Variants in ZNF718 observed in about 807,000 individuals in gnomAD.
The protein encoded by ZNF718 is zinc finger protein 718.
A neutral mutation model predicts 2.6 loss-of-function variants in ZNF718; 3 were observed. That is an observed-to-expected ratio of 1.16 (90% CI 0.53 to 3.01). The LOEUF is 3.01. ZNF718 is among the 30% of genes most tolerant of loss of function. The probability of loss-of-function intolerance (pLI) is 0.03; values close to 1 mark genes in which losing one functional copy is unlikely to be tolerated. For missense variants in ZNF718, 468 were observed against 230.0 expected, an observed-to-expected ratio of 2.03 and a Z score of -6.69; for synonymous variants, 135 against 77.9, an observed-to-expected ratio of 1.73 and a Z score of -3.86.
intron 3 of ZNF718, among the ~76,000 whole-genome samples, chr4:141,030 A>G (rs1332768578): frequency 2.0e-5 from 3 of 152,258 alleles, no homozygotes; most frequent in Non-Finnish European, 4.4e-5. Flanking sequence ...GCCTTCTTCC[A>G]TTCTATCCGA....
chr4:181,158 CTTTTTTT>C (rs782164295), intron 3 of ZNF718, among the ~76,000 whole-genome samples: 9 of 51,086 alleles, frequency 1.8e-4, no homozygotes, highest in Admixed American at 2.6e-4. Flanking sequence ...CAGTGCCCAG[CTTTTTTT>C]TTTTTTTTTT....
intron 3 of ZNF718, among the ~76,000 whole-genome samples, chr4:183,405 C>T (rs1019315872): frequency 1.3e-5 from 2 of 152,106 alleles, no homozygotes; most frequent in Admixed American, 6.5e-5. Context: ...TTCTGTAGCC[C>T]TGGAGTATAG....
chr4:179,596 A>C (rs1325709323), intron 3 of ZNF718, among the ~76,000 whole-genome samples: 1 of 152,184 alleles, frequency 6.6e-6, no homozygotes, highest in African/African-American at 2.4e-5. Flanking sequence ...AAAGAGTACA[A>C]AGTGTTTCTA....
At chr4:153,404 G>C (rs1553813007) in intron 3 of ZNF718, among the ~76,000 whole-genome samples, 1 of 151,962 alleles carries the variant, frequency 6.6e-6, no homozygotes, top group Non-Finnish European at 1.5e-5. Context: ...GGGGGTCTTT[G>C]GTAGTTCCCT....
intron 3 of ZNF718, among the ~76,000 whole-genome samples, chr4:174,916 G>A (rs1382758747): frequency 6.6e-6 from 1 of 152,188 alleles, no homozygotes; most frequent in Non-Finnish European, 1.5e-5. Context: ...TTCTGGGAAT[G>A]TAGAAAGAAC....
intron 3 of ZNF718, among the ~76,000 whole-genome samples, chr4:148,078 G>T (rs148382715): frequency 6.6e-6 from 1 of 152,270 alleles, no homozygotes; most frequent in African/African-American, 2.4e-5. Flanking sequence ...TAAGACTTCA[G>T]CTCTGTTTCT....
Position 124,502 on chromosome 4 carries a change from G to A in ZNF718, c.-169G>A. The A allele has an allele frequency of 2.2e-6, 2 of 901,346 alleles. No individual in the cohort carries two copies. The highest frequency in any genetic ancestry group is 2.6e-5 in the East Asian group (1 of 37,962). The allele number at this position is 901,346 out of a possible 1,614,324, so 55.8% of individuals were successfully genotyped here. A position where few individuals can be genotyped will look rare whatever the true frequency, so the allele number is the denominator to read the frequency against. On this transcript the variant is annotated 5_prime_UTR_variant, in exon 1 of 4. Coordinates refer to ENST00000510175, the MANE Select transcript of ZNF718 (RefSeq NM_001039127.6). ...GGTGCGGCATCCGGGATCTGGCGCG[G>A]CTTTTGCTTGTAGCTCCAGCCAGAG...
At position 162,081 on chromosome 4, in the gene ZNF718, C is replaced by T. The variant is rs1195048888; in HGVS notation, c.1396C>T (p.Leu466Phe). 1.3e-6 allele frequency: 1 copy of T among 769,874 alleles called. No homozygotes were observed. Among genetic ancestry groups the T allele is most frequent in the East Asian group, 2.4e-5 (1 of 41,104 alleles). The allele number at this position is 769,874 out of a possible 1,614,324, so 47.7% of individuals were successfully genotyped here. Residue 466 changes from leucine (L) to phenylalanine (F), a missense_variant, in exon 4 of 4, where the codon CTT (leucine) becomes TTT (phenylalanine). By Grantham distance (22) the Leu-to-Phe change is conservative. Transcript: ENST00000510175. The part of the protein sequence containing the change: ...CGKAFKQYSN[L>F]PQHKRTHTGG... ...GAAAGCTTTTAAGCAGTACTCCAAC[C>T]TTCCTCAACATAAGAGAACTCATAC...
At chr4:129,226 T>G (rs1362031162) in intron 1 of ZNF718, among the ~76,000 whole-genome samples, 1 of 105,388 alleles carries the variant, frequency 9.5e-6, no homozygotes, top group Non-Finnish European at 2.1e-5. Flanking sequence ...CTTGTTATTG[T>G]GTGTTATAAT....
chr4:155,624 C>CGCA (rs1716534652), intron 3 of ZNF718, among the ~76,000 whole-genome samples: 1 of 152,138 alleles, frequency 6.6e-6, no homozygotes, highest in Non-Finnish European at 1.5e-5. Context: ...AATGCCTGCA[C>CGCA]CCCCATTGTG....
At position 131,812 on chromosome 4, in the gene ZNF718, G is replaced by A. The variant is rs1177562546; in HGVS notation, c.226+307G>A. Among the ~76,000 whole-genome samples the A allele has an allele frequency of 4.1e-4, 40 of 97,454 alleles. 10 individuals are homozygous for A. Among genetic ancestry groups the A allele is most frequent in the African/African-American group, 1.4e-3 (38 of 27,756 alleles). The allele number at this position is 97,454 out of a possible 152,430, so 63.9% of individuals were successfully genotyped here. On this transcript the variant is annotated intron_variant, in intron 3 of 3. Transcript: ENST00000510175. ...TTGCTTAAAAACACAGGAGGCGGCCGAGGCGGGTGGATCATGAGGTCAGGA... is the reference window on the plus strand; with the variant it reads ...TTGCTTAAAAACACAGGAGGCGGCCAAGGCGGGTGGATCATGAGGTCAGGA...
chr4:162,987 A>C lies in ZNF718; in HGVS notation c.*865A>C, dbSNP rs1170849331. ...CTGTTAGATAATTTCTTTCTATATA[A>C]GTTGAAAAGGAGTAGCTTTTTGAAA... On this transcript the variant is annotated 3_prime_UTR_variant, in exon 4 of 4. Transcript: ENST00000510175. The C allele has an allele frequency of 6.6e-6, 1 of 152,202 alleles. No individual in the cohort carries two copies. Among genetic ancestry groups the C allele is most frequent in the African/African-American group, 2.4e-5 (1 of 41,456 alleles). The allele number at this position is 152,202 out of a possible 1,614,324, so 9.4% of individuals were successfully genotyped here.
chr4:200,952 G>C (rs574483043), intron 3 of ZNF718: 1 of 152,440 alleles, frequency 6.6e-6, no homozygotes, highest in Non-Finnish European at 1.5e-5. Context: ...TATAATTAAC[G>C]TTAAAAAAGA....
At chr4:137,454 T>G (rs1715620603) in intron 3 of ZNF718, among the ~76,000 whole-genome samples, 1 of 152,182 alleles carries the variant, frequency 6.6e-6, no homozygotes, top group Non-Finnish European at 1.5e-5. Flanking sequence ...AGGGGCTGCA[T>G]CACTTTCTTC....
chr4:194,863 G>C (rs1401674140), intron 3 of ZNF718, among the ~76,000 whole-genome samples: 1 of 152,194 alleles, frequency 6.6e-6, no homozygotes, highest in Non-Finnish European at 1.5e-5. Context: ...GCCATTTTCC[G>C]ATGAGCATTA....
In ZNF718 at chr4:161,832, A is replaced by G. The variant is rs1553815396; in HGVS notation, c.1147A>G (p.Asn383Asp). ...AGCCTTTAATTGGTCCTCAACCCTT[A>G]ATGTACACAAGAGAATTCACTCTGG... Reference protein sequence around the residue: ...GKAFNWSSTLNVHKRIHSGKN... With the variant: ...GKAFNWSSTLDVHKRIHSGKN... The change falls in exon 4 of 4, where the codon AAT (asparagine) becomes GAT (aspartate). Residue 383 changes from asparagine to aspartate, a missense_variant. Transcript: ENST00000510175. The G allele has an allele frequency of 1.3e-6, 1 of 780,888 alleles. No individual in the cohort carries two copies. Among genetic ancestry groups the G allele is most frequent in the Admixed American group, 1.7e-5 (1 of 59,014 alleles). 48.4% of individuals were successfully genotyped at this position (780,888 alleles called of 1,614,324 possible). A position where few individuals can be genotyped will look rare whatever the true frequency, so the allele number is the denominator to read the frequency against.
At chr4:181,158 CTTTTTTTTT>C (rs782164295) in intron 3 of ZNF718, among the ~76,000 whole-genome samples, 9 of 51,086 alleles carry the variant, frequency 1.8e-4, no homozygotes, top group Non-Finnish European at 3.0e-4. Context: ...CAGTGCCCAG[CTTTTTTTTT>C]TTTTTTTTTT....
At chr4:197,248 C>T (rs1717809679) in intron 3 of ZNF718, among the ~76,000 whole-genome samples, 1 of 152,032 alleles carries the variant, frequency 6.6e-6, no homozygotes, top group Admixed American at 6.5e-5. Flanking sequence ...GTTTACAAAA[C>T]ATTCCTATAT....
At chr4:126,980 C>T (rs1326043359) in intron 1 of ZNF718, among the ~76,000 whole-genome samples, 1 of 152,136 alleles carries the variant, frequency 6.6e-6, no homozygotes, top group Non-Finnish European at 1.5e-5. Flanking sequence ...CGCGCCACCA[C>T]ACTCAGCTAA....
Sources: gnomAD v4.1 joint callset for allele counts (sites outside exome capture counted in the v4.1 genomes callset) on GRCh38, gnomAD v4.1.1 for gene constraint, MANE v1.5 for transcripts, NCBI Gene and HGNC (gene_info 2026-07-23, HGNC 2026-07-21) for gene names.